The following ATP6V0A4 variants were observed in gnomAD, a reference collection of about 807,000 sequenced individuals.
The protein encoded by ATP6V0A4 is ATPase H+ transporting V0 subunit a4.
Under a neutral mutation model 107.3 loss-of-function variants are expected in ATP6V0A4, and 86 were observed. The observed-to-expected ratio is 0.80, with a 90% CI of 0.67 to 0.96. The LOEUF (loss-of-function observed/expected upper bound fraction) is 0.96. ATP6V0A4 is among the 40% of genes least tolerant of loss of function. The pLI is 0.00. For synonymous variants in ATP6V0A4, 353 were observed against 381.4 expected, an observed-to-expected ratio of 0.93 and a Z score of 0.87; for missense variants, 908 against 1,045.6, an observed-to-expected ratio of 0.87 and a Z score of 1.81.
At chr7:138,709,544 T>C (rs1441972534) in intron 21 of ATP6V0A4, 80 bp downstream of exon 21, 2 of 1,384,676 alleles carry the variant, frequency 1.4e-6, no homozygotes, top group Non-Finnish European at 2.1e-6. Flanking sequence ...CAGCTCACGA[T>C]CTGAACCCAG....
rs540225443 is a variant in ATP6V0A4, at chr7:138,737,115, A to ATATATATATATAT, written c.1572+2424_1572+2425insATATATATATATA. Among the ~76,000 whole-genome samples the ATATATATATATAT allele has an allele frequency of 7.2e-3, 625 of 86,560 alleles. 97 individuals carry two copies. The highest frequency in any genetic ancestry group is 0.033 in the East Asian group (46 of 1,374). 56.8% of individuals were successfully genotyped at this position (86,560 alleles called of 152,430 possible). On this transcript the variant is annotated intron_variant, in intron 15 of 21. Coordinates refer to ENST00000310018, the MANE Select transcript of ATP6V0A4 (RefSeq NM_020632.3). ...GTTATGTAAAAAGTAAGCCCTTATT[A>ATATATATATATAT]ATATATATATATGATACAAACTAAC...
intron 2 of ATP6V0A4, among the ~76,000 whole-genome samples, chr7:138,784,540 G>A (rs955999707): frequency 2.6e-5 from 4 of 151,600 alleles, no homozygotes; most frequent in South Asian, 2.1e-4. Flanking sequence ...GGGTGGTCTC[G>A]ATCTCCTGAC....
At chr7:138,792,772 TTTTTTGTTGTTTTG>T (rs369488917) in intron 1 of ATP6V0A4, among the ~76,000 whole-genome samples, 50,963 of 114,678 alleles carry the variant, frequency 0.44, 10,512 homozygotes, top group South Asian at 0.53. Flanking sequence ...GTTTGTTTTT[TTTTTTGTTGTTTTG>T]TTTTTTTTTT....
At chr7:138,761,343 C>A (rs2117312754) in intron 7 of ATP6V0A4, among the ~76,000 whole-genome samples, 1 of 149,566 alleles carries the variant, frequency 6.7e-6, no homozygotes, top group Non-Finnish European at 1.5e-5. Flanking sequence ...AAAAAAAACA[C>A]ACAAATTCAG....
At chr7:138,733,192 T>G in intron 16 of ATP6V0A4, 99 bp from the exon 17 acceptor site, 1 of 339,790 alleles carries the variant, frequency 2.9e-6, no homozygotes, top group Middle Eastern at 5.8e-4. Context: ...ATGTTCTATC[T>G]TTTTTTTTTT....
chr7:138,755,694 T>C lies in ATP6V0A4; in HGVS notation c.811A>G (p.Ile271Val). Reference protein sequence around the residue: ...ESVNVRLEDLITVITQTESHR... With the variant: ...ESVNVRLEDLVTVITQTESHR... ...CGCCCAAACCCCTCACTCACGGTGA[T>C]TAAATCTTCCAGCCTCACATTGACG... The change falls in exon 10 of 22, where the codon ATC becomes GTC. Residue 271 changes from isoleucine (I) to valine (V), a missense_variant. By Grantham distance (29) the Ile-to-Val change is conservative. Coordinates refer to ENST00000310018, the MANE Select transcript of ATP6V0A4 (RefSeq NM_020632.3). The C allele has an allele frequency of 1.2e-6, 2 of 1,613,806 alleles. No homozygotes were observed. Among genetic ancestry groups the C allele is most frequent in the Non-Finnish European group, 1.7e-6 (2 of 1,180,014 alleles).
At chr7:138,783,504 T>C (rs1050342489) in intron 2 of ATP6V0A4, among the ~76,000 whole-genome samples, 1 of 152,054 alleles carries the variant, frequency 6.6e-6, no homozygotes, top group African/African-American at 2.4e-5. Context: ...AGCAGGAGGA[T>C]CGCTTGAGCC....
rs181264042 is a variant in ATP6V0A4, at chr7:138,724,901, G to A, written c.2011-2876C>T. Among the ~76,000 whole-genome samples the A allele has an allele frequency of 7.4e-4, 112 of 152,142 alleles. 1 individual carries two copies. Among genetic ancestry groups the A allele is most frequent in the Non-Finnish European group, 1.3e-3 (87 of 68,004 alleles). ...TACTTGCAGTCCTCTTACTAAAATC[G>A]CACAATGCTTAAGCTGGGTGGCGTA... On this transcript the variant is annotated intron_variant, in intron 18 of 21. Transcript: ENST00000310018.
chr7:138,744,759 G>A (rs1387302531), intron 14 of ATP6V0A4, among the ~76,000 whole-genome samples: 2 of 151,716 alleles, frequency 1.3e-5, no homozygotes, highest in Non-Finnish European at 2.9e-5. Context: ...CTGGAGTGCA[G>A]TGGCGCAATC....
At chr7:138,728,257 G>A (rs976976041) in intron 18 of ATP6V0A4, among the ~76,000 whole-genome samples, 2 of 151,636 alleles carry the variant, frequency 1.3e-5, no homozygotes, top group South Asian at 2.1e-4. Flanking sequence ...ACGGTTTTTC[G>A]CCCTTTCGCC....
chr7:138,706,889 A>AAT (rs1271522601), intron 21 of ATP6V0A4, 172 bp from the exon 22 acceptor site: 1 of 207,172 alleles, frequency 4.8e-6, no homozygotes, highest in African/African-American at 4.3e-5. Context: ...AATCCTGAGG[A>AAT]TTTTTTTTTT....
chr7:138,781,857 T>G (rs1285459595), intron 2 of ATP6V0A4, among the ~76,000 whole-genome samples: 1 of 134,938 alleles, frequency 7.4e-6, no homozygotes, highest in Admixed American at 7.3e-5. Context: ...TTTTTTTTTT[T>G]TGTAGAGTTT....
At chr7:138,762,861 A>C in intron 6 of ATP6V0A4, 39 bp downstream of exon 6, 2 of 1,606,168 alleles carry the variant, frequency 1.2e-6, no homozygotes, top group Non-Finnish European at 1.7e-6. Context: ...TGAGGTTCTG[A>C]GGAACGGGCC....
At chr7:138,747,337 A>AG in intron 13 of ATP6V0A4, 88 bp downstream of exon 13, 1 of 1,506,278 alleles carries the variant, frequency 6.6e-7, no homozygotes. Flanking sequence ...TATTTTTCAT[A>AG]AAAATGTGTT....
Position 138,759,854 on chromosome 7 carries a change from C to T in ATP6V0A4, c.537G>A (p.Arg179=). 6.2e-7 allele frequency: 1 copy of T among 1,614,110 alleles called. No individual in the cohort carries two copies. Among genetic ancestry groups the T allele is most frequent in the Non-Finnish European group, 8.5e-7 (1 of 1,180,026 alleles). The stretch of plus-strand genomic sequence containing the variant: ...ACCGCTCAAAGGAAGCCATCCTCTC[C>T]CTGTTGATCACACCGGCTATGAACC... The part of the protein sequence containing the change: ...KLGFIAGVIN[R]ERMASFERLL... Residue 179 remains arginine, a synonymous_variant, in exon 8 of 22, where the codon AGG becomes AGA. Coordinates refer to ENST00000310018, the MANE Select transcript of ATP6V0A4 (RefSeq NM_020632.3).
chr7:138,719,481 T>C (rs143015969), intron 19 of ATP6V0A4, among the ~76,000 whole-genome samples: 33 of 152,336 alleles, frequency 2.2e-4, no homozygotes, highest in African/African-American at 7.0e-4. Context: ...CTGCTGGGGC[T>C]GCATCCACCA....
At chr7:138,725,477 C>T (rs755097727) in intron 18 of ATP6V0A4, among the ~76,000 whole-genome samples, 6 of 151,996 alleles carry the variant, frequency 3.9e-5, no homozygotes, top group African/African-American at 1.5e-4. Context: ...ACAATGTTTG[C>T]TCTTGGGGTA....
intron 2 of ATP6V0A4, among the ~76,000 whole-genome samples, chr7:138,783,165 A>G (rs560951578): frequency 6.6e-6 from 1 of 152,300 alleles, no homozygotes; most frequent in Non-Finnish European, 1.5e-5. Context: ...GCAGCTAAAG[A>G]GGAAATGGAG....
chr7:138,732,455 C>T (rs562445582), intron 17 of ATP6V0A4, among the ~76,000 whole-genome samples: 41 of 152,090 alleles, frequency 2.7e-4, no homozygotes, highest in Non-Finnish European at 4.4e-4. Flanking sequence ...CACTGGATGC[C>T]AAGATGGCTC....
Sources: allele counts gnomAD v4.1 joint callset (sites outside exome capture counted in the v4.1 genomes callset), GRCh38; gene constraint gnomAD v4.1.1; transcripts MANE v1.5; gene names NCBI Gene and HGNC (gene_info 2026-07-23, HGNC 2026-07-21).